The following WRN variants were observed in gnomAD, a reference collection of about 807,000 sequenced individuals.
WRN encodes bifunctional 3'-5' exonuclease/ATP-dependent helicase WRN.
In WRN, 149 loss-of-function variants were observed where a neutral mutation model predicts 180.7. The ratio of observed to expected loss-of-function variants is 0.82; its 90% CI spans 0.72 to 0.94. The LOEUF is 0.94. Ranked by LOEUF, WRN falls within the 40% of genes least tolerant of loss-of-function variation. The pLI is 0.00. For missense variants in WRN, 1,661 were observed against 1,700.1 expected (o/e 0.98, Z 0.40); for synonymous variants, 548 against 568.9 (o/e 0.96, Z 0.52).
chr8:31,095,789 A>T (rs1205631441), intron 16 of WRN, among the ~76,000 whole-genome samples: 1 of 152,208 alleles, frequency 6.6e-6, no homozygotes, highest in East Asian at 1.9e-4. Flanking sequence ...CTTTATAATA[A>T]ACCTGGAAAT....
At chr8:31,079,493 T>C (rs1813219609) in intron 8 of WRN, among the ~76,000 whole-genome samples, 1 of 152,206 alleles carries the variant, frequency 6.6e-6, no homozygotes, top group Non-Finnish European at 1.5e-5. Context: ...TAATAAGCTC[T>C]ACAACAAATA....
intron 28 of WRN, among the ~76,000 whole-genome samples, 194 bp downstream of exon 28, chr8:31,143,817 G>C (rs1802757660): frequency 6.6e-6 from 1 of 151,990 alleles, no homozygotes; most frequent in Admixed American, 6.6e-5. Context: ...ACACTTCTTG[G>C]ATATTACTGT....
Position 31,090,902 on chromosome 8 carries a change from C to T in WRN, c.1789C>T (p.Pro597Ser). 1 of 1,612,808 alleles carries T rather than the reference C, an allele frequency of 6.2e-7. No homozygotes were observed. The highest frequency in any genetic ancestry group is 8.5e-7 in the Non-Finnish European group (1 of 1,179,230). ...YVGKIGLVIS[P>S]LISLMEDQVL... ...AGGCAAGATTGGCCTTGTTATCTCT[C>T]CCCTTATTTCTCTGATGGAAGACCA... Residue 597 changes from proline to serine, a missense_variant, in exon 15 of 35, where the codon CCC (proline) becomes TCC (serine). Physicochemically the swap from Pro to Ser is moderately conservative, Grantham distance 74. Around this residue, in one of 3 missense-constraint regions of WRN, gnomAD observed 1,141 missense variants for 1,149.4 expected, o/e 0.99. Coordinates refer to ENST00000298139, the MANE Select transcript of WRN (RefSeq NM_000553.6).
chr8:31,119,948 T>C, intron 20 of WRN: 2 of 342,048 alleles, frequency 5.8e-6, no homozygotes, highest in Non-Finnish European at 5.5e-6. Flanking sequence ...AAAAGTTTTC[T>C]TTAACACAAT....
At position 31,081,219 on chromosome 8, in the gene WRN, A is replaced by G. The variant is rs532554615; in HGVS notation, c.1192A>G (p.Thr398Ala). ...AGCTTGTTTGATGTCGTTAGATATT[A>G]CAGAACATGAACTCCAAATTTTGGA... Reference protein sequence around the residue: ...ERACLMSLDITEHELQILEQQ... With the variant: ...ERACLMSLDIAEHELQILEQQ... Residue 398 changes from threonine to alanine, a missense_variant, in exon 9 of 35, where the codon ACA becomes GCA. By Grantham distance (58) the Thr-to-Ala change is moderately conservative. Transcript: ENST00000298139. 12 of 1,613,488 alleles carry G rather than the reference A, an allele frequency of 7.4e-6. No homozygotes were observed. In the Admixed American group the frequency reaches 1.8e-4, roughly 25 times the overall value.
In WRN at chr8:31,131,958, C is replaced by CT. The variant is rs71208103; in HGVS notation, c.2826-388dup. 3.7e-3 allele frequency among the ~76,000 whole-genome samples: 461 copies of CT among 123,094 alleles called. 1 individual carries two copies. The highest frequency in any genetic ancestry group is 7.7e-3 in the African/African-American group (253 of 33,020). 80.8% of individuals were successfully genotyped at this position (123,094 alleles called of 152,430 possible). A position where few individuals can be genotyped will look rare whatever the true frequency, so the allele number is the denominator to read the frequency against. Reference sequence around the variant, plus strand: ...GATGTGTTTTTTCTAAGCTGAAAGGCTTTTTTTTTTTTTTTTTTTGCAACA... The same window carrying CT: ...GATGTGTTTTTTCTAAGCTGAAAGGCTTTTTTTTTTTTTTTTTTTTGCAACA... On this transcript the variant is annotated intron_variant, in intron 23 of 34. Transcript: ENST00000298139.
chr8:31,074,582 C>G (rs143759186), intron 7 of WRN, among the ~76,000 whole-genome samples: 7 of 152,032 alleles, frequency 4.6e-5, no homozygotes, highest in Non-Finnish European at 1.0e-4. Flanking sequence ...GCTGAGGGTG[C>G]GTTTGAAATC....
chr8:31,048,055 C>T (rs1811935320), intron 1 of WRN, among the ~76,000 whole-genome samples: 1 of 152,124 alleles, frequency 6.6e-6, no homozygotes, highest in Admixed American at 6.5e-5. Context: ...CAGTTTATTT[C>T]ACTTGGTTTT....
chr8:31,147,545 G>A, intron 30 of WRN, 69 bp downstream of exon 30: 1 of 1,413,508 alleles, frequency 7.1e-7, no homozygotes, highest in Non-Finnish European at 9.9e-7. Flanking sequence ...ATATATCTAA[G>A]TTGATAATAT....
chr8:31,096,099 A>G (rs1813965173), intron 16 of WRN, among the ~76,000 whole-genome samples: 1 of 152,212 alleles, frequency 6.6e-6, no homozygotes, highest in African/African-American at 2.4e-5. Context: ...ACCATTTCCT[A>G]TGTTAATTAG....
rs1407335594 is a variant in WRN, at chr8:31,173,145, A to G, written c.*43A>G. 2.6e-6 allele frequency: 4 copies of G among 1,540,110 alleles called. No homozygotes were observed. In the East Asian group the frequency reaches 9.1e-5, roughly 35 times the overall value. ...CAATTATGTTTCTTGCTGTATTATA[A>G]GAGGATAGCTATATTTTATTTCTGA... On this transcript the variant is annotated 3_prime_UTR_variant, in exon 35 of 35. Coordinates refer to ENST00000298139, the MANE Select transcript of WRN (RefSeq NM_000553.6).
chr8:31,046,474 A>G (rs1450045846), intron 1 of WRN, among the ~76,000 whole-genome samples: 1 of 152,186 alleles, frequency 6.6e-6, no homozygotes, highest in Non-Finnish European at 1.5e-5. Flanking sequence ...AGAAATTAGA[A>G]TAATTTCATG....
intron 15 of WRN, 95 bp downstream of exon 15, chr8:31,091,037 A>G (rs1002447468): frequency 5.2e-5 from 50 of 953,304 alleles, no homozygotes; most frequent in East Asian, 2.9e-4. Context: ...CTAGTTCACA[A>G]TAACACATTT....
At chr8:31,117,793 A>G (rs890204897) in intron 20 of WRN, among the ~76,000 whole-genome samples, 19 of 152,176 alleles carry the variant, frequency 1.2e-4, no homozygotes, top group African/African-American at 4.1e-4. Context: ...TCATGCTGTA[A>G]TGCATACCCG....
Position 31,157,405 on chromosome 8 carries a change from C to G in WRN, c.3857C>G (p.Thr1286Arg). ...GAGAGCAGGATTCTGCCTCTCATGA[C>G]AATTGGCATGCACTTATCCCAAGCG... is the stretch of plus-strand genomic sequence containing the variant. ...IAESRILPLM[T>R]IGMHLSQAVK... The change falls in exon 33 of 35, where the codon ACA (threonine) becomes AGA (arginine). Residue 1286 changes from threonine (T) to arginine (R), a missense_variant. By Grantham distance (71) the Thr-to-Arg change is moderately conservative. Around this residue, in one of 3 missense-constraint regions of WRN, gnomAD observed 1,141 missense variants for 1,149.4 expected, o/e 0.99. Transcript: ENST00000298139. 1 of 1,614,078 alleles carries G rather than the reference C, an allele frequency of 6.2e-7. No homozygotes were observed. Among genetic ancestry groups the G allele is most frequent in the Non-Finnish European group, 8.5e-7 (1 of 1,180,002 alleles).
rs1354326118 is a variant in WRN, at chr8:31,157,434, A to G, written c.3886A>G (p.Lys1296Glu). Reference sequence around the variant, plus strand: ...TGGCATGCACTTATCCCAAGCGGTGAAAGCTGGCTGCCCCCTTGATTTGGA... The same window carrying G: ...TGGCATGCACTTATCCCAAGCGGTGGAAGCTGGCTGCCCCCTTGATTTGGA... Reference protein sequence around the residue: ...TIGMHLSQAVKAGCPLDLERA... With the variant: ...TIGMHLSQAVEAGCPLDLERA... Residue 1296 changes from lysine (K) to glutamate (E), a missense_variant, in exon 33 of 35, where the codon AAA becomes GAA. Physicochemically the swap from Lys to Glu is moderately conservative, Grantham distance 56. This residue lies in a region of WRN where 1,141 missense variants were observed against 1,149.4 expected (regional missense o/e 0.99). Transcript: ENST00000298139. The G allele has an allele frequency of 7.4e-6, 12 of 1,614,026 alleles. No homozygotes were observed. The highest frequency in any genetic ancestry group is 1.0e-5 in the Non-Finnish European group (12 of 1,180,032).
At chr8:31,144,797 C>G (rs1242521871) in intron 28 of WRN, among the ~76,000 whole-genome samples, 4 of 152,148 alleles carry the variant, frequency 2.6e-5, no homozygotes, top group African/African-American at 9.7e-5. Flanking sequence ...GCAAAAGTTC[C>G]TGAAGGAAAT....
At chr8:31,101,107 G>T in intron 18 of WRN, 152 bp downstream of exon 18, 2 of 709,614 alleles carry the variant, frequency 2.8e-6, no homozygotes, top group South Asian at 3.3e-5. Context: ...TGCTAAAGTT[G>T]GTATATAATC....
chr8:31,164,408 C>T (rs1229734642), intron 33 of WRN, among the ~76,000 whole-genome samples: 2 of 152,096 alleles, frequency 1.3e-5, no homozygotes, highest in African/African-American at 2.4e-5. Flanking sequence ...GAAATCTAAA[C>T]TTTGTACAAT....
Sources: allele counts gnomAD v4.1 joint callset (sites outside exome capture counted in the v4.1 genomes callset), GRCh38; gene constraint gnomAD v4.1.1; regional missense constraint gnomAD v4.1.1; transcripts MANE v1.5; gene names NCBI Gene and HGNC (gene_info 2026-07-23, HGNC 2026-07-21).